MYH4: variants seen among roughly 807,000 people sequenced by gnomAD.
MYH4 encodes myosin-4.
MYH4 carries 200 observed loss-of-function variants against 229.9 expected under a neutral mutation model. The ratio of observed to expected loss-of-function variants is 0.87; its 90% CI spans 0.78 to 0.98. The LOEUF is 0.98. Among genes scored for constraint, MYH4 ranks in the 50% least tolerant of loss-of-function variants. The probability of loss-of-function intolerance (pLI) is 0.00; values close to 1 mark genes in which losing one functional copy is unlikely to be tolerated. For missense variants in MYH4, 2,148 were observed against 2,332.6 expected (o/e 0.92, Z 1.63); for synonymous variants, 761 against 834.6 (o/e 0.91, Z 1.52).
At chr17:10,456,619 A>G in intron 16 of MYH4, 64 bp from the exon 17 acceptor site, 4 of 1,312,806 alleles carry the variant, frequency 3.0e-6, no homozygotes, top group African/African-American at 1.5e-5. Context: ...ATCCATAAAC[A>G]TCAGGACTGC....
Position 10,455,042 on chromosome 17 carries a change from C to T in MYH4, c.2334G>A (p.Glu778=), listed in dbSNP as rs1183737616. ...GAGCTAGCTTTTCATCTCGCATTTC[C>T]TCTAGAGTTCCCAGCAGGCCAGCTT... is the stretch of plus-strand genomic sequence containing the variant. ...FFKAGLLGTL[E]EMRDEKLAQL... is the part of the protein sequence containing the mutation. The change falls in exon 21 of 40, where the codon GAG becomes GAA. Residue 778 remains glutamate, a synonymous_variant. Transcript: ENST00000255381. The T allele has an allele frequency of 1.2e-6, 2 of 1,614,128 alleles. No homozygotes were observed. The highest frequency in any genetic ancestry group is 1.7e-6 in the Non-Finnish European group (2 of 1,180,026).
chr17:10,466,588 T>A lies in MYH4; in HGVS notation c.158A>T (p.Gln53Leu), dbSNP rs754767744. The A allele has an allele frequency of 3.1e-6, 5 of 1,613,986 alleles. No homozygotes were observed. In the Admixed American group the frequency reaches 8.3e-5, roughly 27 times the overall value. Residue 53 changes from glutamine (Q) to leucine (L), a missense_variant, in exon 3 of 40, where the codon CAG becomes CTG. Gln to Leu is a moderately radical substitution (Grantham distance 113). Transcript: ENST00000255381. ...TGTCACCTTCCCCCCTTCCCTGCTC[T>A]GCACTATTGCTTTCACGTAGGACTC... ...PKESYVKAIV[Q>L]SREGGKVTAK...
rs1042048302 is a variant in MYH4, at chr17:10,454,454, T to C, written c.2691+101A>G. Reference sequence around the variant, plus strand: ...TCTTTATGCCCGAGTCTTGGTGTTTTTGAACAGCAAACAATCAGAACAAAT... The same window carrying C: ...TCTTTATGCCCGAGTCTTGGTGTTTCTGAACAGCAAACAATCAGAACAAAT... On this transcript the variant is annotated intron_variant, in intron 22 of 39. Coordinates refer to ENST00000255381, the MANE Select transcript of MYH4 (RefSeq NM_017533.2). 8 of 1,480,766 alleles carry C rather than the reference T, an allele frequency of 5.4e-6. No individual in the cohort carries two copies. The African/African-American group carries it at 1.1e-4, about 21-fold the overall frequency. 91.7% of individuals were successfully genotyped at this position (1,480,766 alleles called of 1,614,324 possible).
In MYH4 at chr17:10,450,478, G is replaced by A. The variant is rs201301118; in HGVS notation, c.4156C>T (p.Arg1386Cys). Residue 1386 changes from arginine (R) to cysteine (C), a missense_variant, in exon 30 of 40, where the codon CGC becomes TGC. By Grantham distance (180) the Arg-to-Cys change is radical. Transcript: ENST00000255381. ...RTKYETDAIQ[R>C]TEELEEAKKK... ...TTGGCCTCCTCCAGCTCCTCTGTGCGCTGGATGGCGTCCGTCTCGTACTTG... is the reference window on the plus strand; with the variant it reads ...TTGGCCTCCTCCAGCTCCTCTGTGCACTGGATGGCGTCCGTCTCGTACTTG... 6.7e-5 allele frequency: 108 copies of A among 1,613,788 alleles called. 1 individual carries two copies. The South Asian group carries it at 7.2e-4, about 11-fold the overall frequency.
At chr17:10,457,023 G>A (rs974796920) in intron 16 of MYH4, among the ~76,000 whole-genome samples, 1 of 152,230 alleles carries the variant, frequency 6.6e-6, no homozygotes, top group Non-Finnish European at 1.5e-5. Context: ...TCTGGTCTTA[G>A]AACACTTAAG....
rs1459477575 is a variant in MYH4 at position 10,457,510 on chromosome 17, G to C, written c.1807C>G (p.Pro603Ala). ...IAGWLDKNKD[P>A]LNETVVGLYQ... The stretch of plus-strand genomic sequence containing the variant: ...AGCCCCACCACAGTCTCATTCAGGG[G>C]GTCCTTGTTTTTGTCCAGCCAGCCG... Residue 603 changes from proline (P) to alanine (A), a missense_variant, in exon 16 of 40, where the codon CCC becomes GCC. Transcript: ENST00000255381. 8.7e-6 allele frequency: 14 copies of C among 1,614,184 alleles called. No individual in the cohort carries two copies. The highest frequency in any genetic ancestry group is 1.3e-5 in the African/African-American group (1 of 75,034).
chr17:10,460,872 T>G, intron 12 of MYH4, 44 bp downstream of exon 12: 3 of 1,608,288 alleles, frequency 1.9e-6, no homozygotes, highest in Non-Finnish European at 2.6e-6. Context: ...AAAAGTTCAC[T>G]ATGTCAGCTT....
chr17:10,457,278 G>T, intron 16 of MYH4, 142 bp downstream of exon 16: 1 of 943,834 alleles, frequency 1.1e-6, no homozygotes, highest in Non-Finnish European at 1.5e-6. Context: ...CTGTATCACA[G>T]TTATTAAATA....
intron 35 of MYH4, 41 bp from the exon 36 acceptor site, chr17:10,445,403 T>G (rs2072501056): frequency 6.2e-7 from 1 of 1,610,912 alleles, no homozygotes; most frequent in African/African-American, 1.3e-5. Context: ...CACATTTACT[T>G]ATAACAACTC....
intron 7 of MYH4, 60 bp from the exon 8 acceptor site, chr17:10,463,703 A>ACG: frequency 7.4e-7 from 1 of 1,346,042 alleles, no homozygotes; most frequent in Non-Finnish European, 1.0e-6. Context: ...TTTCCCATTG[A>ACG]CCTCTTTCCC....
At position 10,443,383 on chromosome 17, in the gene MYH4, C is replaced by CA; in HGVS notation, c.5811dup (p.Glu1938Ter). On this transcript the variant is annotated frameshift_variant, in exon 40 of 40. Coordinates refer to ENST00000255381, the MANE Select transcript of MYH4 (RefSeq NM_017533.2). LOFTEE classifies it high-confidence loss of function. This position sits in a 1 kb window ranked among gnomAD's most constrained non-coding sequence, Gnocchi z 4.6. ...TCTTTCATTAGAATGAATTACTCTT[C>CA]ACTTATGACTTTTGTGTGAACCTCC... 2 of 1,613,838 alleles carry CA rather than the reference C, an allele frequency of 1.2e-6. No homozygotes were observed. Among genetic ancestry groups the CA allele is most frequent in the Non-Finnish European group, 1.7e-6 (2 of 1,179,942 alleles).
At chr17:10,460,343 G>A (rs1194005875) in intron 12 of MYH4, 22 bp from the exon 13 acceptor site, 1 of 1,514,584 alleles carries the variant, frequency 6.6e-7, no homozygotes, top group African/African-American at 1.4e-5. Context: ...AGGTGAGAAT[G>A]GTGAAACTGA....
rs1191216361 is a variant in MYH4, at chr17:10,452,262, C to T, written c.3417G>A (p.Gln1139=). 1 of 1,614,064 alleles carries T rather than the reference C, an allele frequency of 6.2e-7. No individual in the cohort carries two copies. Among genetic ancestry groups the T allele is most frequent in the Non-Finnish European group, 8.5e-7 (1 of 1,180,026 alleles). Residue 1139 remains glutamine (Q), a synonymous_variant, in exon 27 of 40, where the codon CAG becomes CAA. Coordinates refer to ENST00000255381, the MANE Select transcript of MYH4 (RefSeq NM_017533.2). ...ERASRAKAEK[Q]RSDLSRELEE... ...CCAGCTCCCGGGAGAGGTCAGAGCG[C>T]TGCTTCTCTGCTTTGGCCCGGGAGG...
chr17:10,460,938 C>A lies in MYH4; in HGVS notation c.1125G>T (p.Gln375His), dbSNP rs759890777. 5.0e-6 allele frequency: 8 copies of A among 1,613,992 alleles called. No homozygotes were observed. The African/African-American group carries it at 1.1e-4, about 22-fold the overall frequency. ...TACCTTCCGTGCCATCTGGCTCTGCCTGCTCTTCCCTTTGCTTTTGCTTGA... is the reference window on the plus strand; with the variant it reads ...TACCTTCCGTGCCATCTGGCTCTGCATGCTCTTCCCTTTGCTTTTGCTTGA... ...MKFKQKQREE[Q>H]AEPDGTEVAD... Residue 375 changes from glutamine (Q) to histidine (H), a missense_variant, in exon 12 of 40, where the codon CAG becomes CAT. Transcript: ENST00000255381.
At chr17:10,454,044 T>C (rs2072609366) in intron 22 of MYH4, among the ~76,000 whole-genome samples, 159 bp from the exon 23 acceptor site, 1 of 152,270 alleles carries the variant, frequency 6.6e-6, no homozygotes, top group African/African-American at 2.4e-5. Context: ...AATACTGTTA[T>C]CTACTGATCA....
At chr17:10,456,596 C>T (rs755728740) in intron 16 of MYH4, 41 bp from the exon 17 acceptor site, 37 of 1,529,468 alleles carry the variant, frequency 2.4e-5, no homozygotes, top group Non-Finnish European at 3.4e-5. Flanking sequence ...TTTGCAACTG[C>T]CTTTTAAGTA....
Position 10,445,287 on chromosome 17 carries a change from C to T in MYH4, c.5245G>A (p.Val1749Ile), listed in dbSNP as rs144889690. Reference sequence around the variant, plus strand: ...TCCTCTGCATTGCGGGCTTCCTGGACGATGTCCTCCATCTCTCCCTGGATT... The same window carrying T: ...TCCTCTGCATTGCGGGCTTCCTGGATGATGTCCTCCATCTCTCCCTGGATT... ...SQIQGEMEDI[V>I]QEARNAEEKA... Residue 1749 changes from valine to isoleucine, a missense_variant, in exon 36 of 40, where the codon GTC becomes ATC. Coordinates refer to ENST00000255381, the MANE Select transcript of MYH4 (RefSeq NM_017533.2). The T allele has an allele frequency of 2.0e-4, 323 of 1,614,144 alleles. 3 individuals are homozygous for T. In the East Asian group the frequency reaches 5.1e-3, roughly 26 times the overall value.
In MYH4 at chr17:10,445,020, C is replaced by T; in HGVS notation, c.5422G>A (p.Ala1808Thr). ...ATCTGCTTCTTCCCACCCTTCAGCG[C>T]CAGCTGCTCAGCCTCATCCAGACGG... ...QLRLDEAEQL[A>T]LKGGKKQIQK... Residue 1808 changes from alanine (A) to threonine (T), a missense_variant, in exon 37 of 40, where the codon GCG (alanine) becomes ACG (threonine). Transcript: ENST00000255381. 6.2e-7 allele frequency: 1 copy of T among 1,614,166 alleles called. No individual in the cohort carries two copies. Among genetic ancestry groups the T allele is most frequent in the Non-Finnish European group, 8.5e-7 (1 of 1,180,034 alleles).
rs2072572737 is a variant in MYH4 at position 10,451,465 on chromosome 17, G to A, written c.3739-13C>T. ...TCTCAAAGTTTGCCTGGGGTGAGAG[G>A]TAGAAAACAGGAAGAGACAATACAT... On this transcript the variant is annotated splice_polypyrimidine_tract_variant and intron_variant, in intron 27 of 39. Coordinates refer to ENST00000255381, the MANE Select transcript of MYH4 (RefSeq NM_017533.2). 1 of 1,611,708 alleles carries A rather than the reference G, an allele frequency of 6.2e-7. No individual in the cohort carries two copies.
Sources: gnomAD v4.1 joint callset for allele counts (sites outside exome capture counted in the v4.1 genomes callset) on GRCh38, gnomAD v4.1.1 for gene constraint, Gnocchi (gnomAD v3.1) non-coding constraint, MANE v1.5 for transcripts, NCBI Gene and HGNC (gene_info 2026-07-23, HGNC 2026-07-21) for gene names.